NAV2: variants seen among roughly 807,000 people sequenced by gnomAD.
NAV2 encodes the protein neuron navigator 2.
A neutral mutation model predicts 223.2 loss-of-function variants in NAV2; 54 were observed. That is an observed-to-expected ratio of 0.24 (90% confidence interval 0.19 to 0.30). NAV2 has a LOEUF of 0.30. Among genes scored for constraint, NAV2 ranks in the 10% least tolerant of loss-of-function variants. NAV2 has a pLI of 1.00. For synonymous variants in NAV2, 1,279 were observed against 1,239.3 expected (o/e 1.03, Z -0.67); for missense variants, 2,806 against 3,147.5 (o/e 0.89, Z 2.60).
At chr11:19,685,423 C>T (rs867975289) in intron 1 of NAV2, among the ~76,000 whole-genome samples, 3 of 152,148 alleles carry the variant, frequency 2.0e-5, no homozygotes, top group South Asian at 2.1e-4. Context: ...ACCACACCCC[C>T]TTCCCAATAT....
At chr11:19,990,517 C>A (rs1304110938) in intron 11 of NAV2, among the ~76,000 whole-genome samples, 2 of 152,080 alleles carry the variant, frequency 1.3e-5, no homozygotes, top group African/African-American at 4.8e-5. Context: ...CCCTAAAATA[C>A]CTTCCCCCTC....
chr11:20,045,963 G>A (rs2057382201), intron 14 of NAV2, among the ~76,000 whole-genome samples: 1 of 152,106 alleles, frequency 6.6e-6, no homozygotes, highest in Admixed American at 6.5e-5. Context: ...TGTAAAATGG[G>A]GATGAAGATA....
intron 11 of NAV2, among the ~76,000 whole-genome samples, chr11:19,996,659 GCCTCTGCTGTAAA>G: frequency 6.6e-6 from 1 of 152,212 alleles, no homozygotes; most frequent in African/African-American, 2.4e-5. Context: ...TCTAGGAGCA[GCCTCTGCTGTAAA>G]CCCCTGTGGC....
rs190763466 is a variant in NAV2, at chr11:19,743,742, T to C, written c.267+29780T>C. On this transcript the variant is annotated intron_variant, in intron 1 of 37. Coordinates refer to ENST00000349880, the MANE Select transcript of NAV2 (RefSeq NM_145117.5). The stretch of plus-strand genomic sequence containing the variant: ...AGCATTAGCTCATCCCTTCTGATGA[T>C]AGACAAAGAGCCTAGTGCTCAGAGT... 1.2e-4 allele frequency among the ~76,000 whole-genome samples: 19 copies of C among 152,370 alleles called. No homozygotes were observed. The East Asian group carries it at 3.7e-3, about 29-fold the overall frequency.
chr11:20,106,939 C>T (rs1402282984), intron 35 of NAV2, among the ~76,000 whole-genome samples: 2 of 151,882 alleles, frequency 1.3e-5, no homozygotes, highest in Admixed American at 6.6e-5. Flanking sequence ...AGCCACCATG[C>T]CCAGCCAATT....
upstream of NAV2, chr11:19,712,437 TG>T (rs1358033962): frequency 2.0e-5 from 3 of 151,962 alleles, no homozygotes; most frequent in Non-Finnish European, 4.4e-5. Context: ...CCAAGCCAGA[TG>T]GGGGCAGCGA....
At chr11:19,455,849 C>T (rs770944358) in intron 1 of NAV2, among the ~76,000 whole-genome samples, 31 of 152,214 alleles carry the variant, frequency 2.0e-4, no homozygotes, top group Admixed American at 3.3e-4. Context: ...TCTTGAGCAA[C>T]GCACCAGAAC....
chr11:19,783,926 T>C (rs1450094286), intron 1 of NAV2, among the ~76,000 whole-genome samples: 1 of 152,158 alleles, frequency 6.6e-6, no homozygotes, highest in Non-Finnish European at 1.5e-5. Flanking sequence ...CTAGGGAATA[T>C]ATGAGTCAAC....
At chr11:20,021,783 T>C (rs1243366065) in intron 11 of NAV2, among the ~76,000 whole-genome samples, 4 of 152,310 alleles carry the variant, frequency 2.6e-5, no homozygotes, top group Middle Eastern at 3.4e-3. Context: ...TGATTAACTT[T>C]GGTTGGGACT....
chr11:19,870,233 A>G (rs558183886), intron 4 of NAV2, among the ~76,000 whole-genome samples: 7 of 152,068 alleles, frequency 4.6e-5, no homozygotes, highest in Non-Finnish European at 8.8e-5. Flanking sequence ...GCTGGCTGAC[A>G]TGTGGAATAT....
chr11:19,877,470 CTTTTT>C (rs1289323253), intron 4 of NAV2, among the ~76,000 whole-genome samples: 3 of 82,622 alleles, frequency 3.6e-5, no homozygotes, highest in African/African-American at 2.0e-4. Flanking sequence ...TATCTTCATT[CTTTTT>C]TTTTTTTTTT....
At chr11:19,744,566 A>AT (rs35247270) in intron 1 of NAV2, among the ~76,000 whole-genome samples, 88,797 of 151,004 alleles carry the variant, frequency 0.59, 27,261 homozygotes, top group African/African-American at 0.77. Flanking sequence ...ATATCTGTGG[A>AT]TTTTTTTTTT....
intron 1 of NAV2, among the ~76,000 whole-genome samples, chr11:19,574,914 T>A (rs184003183): frequency 6.6e-5 from 10 of 152,196 alleles, no homozygotes; most frequent in Admixed American, 5.9e-4. Context: ...AGGCCAACCA[T>A]ACTCAATTGG....
chr11:19,977,846 C>T (rs1340811045), intron 10 of NAV2, among the ~76,000 whole-genome samples: 4 of 147,334 alleles, frequency 2.7e-5, no homozygotes, highest in African/African-American at 1.0e-4. Flanking sequence ...CTCCGGTTGC[C>T]CAGGCTGGAG....
In NAV2 at chr11:20,115,933, C is replaced by T. The variant is rs78059819; in HGVS notation, c.7164+1138C>T. Among the ~76,000 whole-genome samples the T allele has an allele frequency of 6.4e-3, 974 of 152,102 alleles. 6 individuals carry two copies. Among genetic ancestry groups the T allele is most frequent in the African/African-American group, 0.022 (905 of 41,504 alleles). On this transcript the variant is annotated intron_variant, in intron 37 of 37. Transcript: ENST00000349880. Reference sequence around the variant, plus strand: ...GTCTCAAACAAACAAAAGAAACACCCGGGCCAATAACAGTAGTATTTCTAA... The same window carrying T: ...GTCTCAAACAAACAAAAGAAACACCTGGGCCAATAACAGTAGTATTTCTAA...
chr11:20,100,362 C>T (rs1179213641), intron 31 of NAV2, among the ~76,000 whole-genome samples: 1 of 152,150 alleles, frequency 6.6e-6, no homozygotes, highest in Non-Finnish European at 1.5e-5. Context: ...ATCAAATGAT[C>T]CCGCCTTGCA....
intron 1 of NAV2, among the ~76,000 whole-genome samples, chr11:19,578,021 C>G (rs1007799828): frequency 2.6e-5 from 4 of 152,180 alleles, no homozygotes; most frequent in African/African-American, 9.7e-5. Flanking sequence ...TTTCTGCTTC[C>G]AAACACACAT....
chr11:20,119,968 T>G lies in NAV2; in HGVS notation c.*1710T>G, dbSNP rs1436832469. 1 of 152,220 alleles carries G rather than the reference T, an allele frequency of 6.6e-6. No individual in the cohort carries two copies. Among genetic ancestry groups the G allele is most frequent in the Admixed American group, 6.5e-5 (1 of 15,274 alleles). The allele number at this position is 152,220 out of a possible 1,614,324, so 9.4% of individuals were successfully genotyped here. A position where few individuals can be genotyped will look rare whatever the true frequency, so the allele number is the denominator to read the frequency against. Reference sequence around the variant, plus strand: ...TACTTGTTCTAATAGAAACCCAGTCTGCTGTGTCTTCAACATACTGGTATT... The same window carrying G: ...TACTTGTTCTAATAGAAACCCAGTCGGCTGTGTCTTCAACATACTGGTATT... On this transcript the variant is annotated 3_prime_UTR_variant, in exon 38 of 38. Transcript: ENST00000349880.
chr11:19,928,508 A>C, intron 6 of NAV2, among the ~76,000 whole-genome samples: 1 of 152,200 alleles, frequency 6.6e-6, no homozygotes, highest in Admixed American at 6.5e-5. Context: ...ATATTTGAGG[A>C]AAATAACAAG....
Sources: allele counts gnomAD v4.1 joint callset (sites outside exome capture counted in the v4.1 genomes callset), GRCh38; gene constraint gnomAD v4.1.1; transcripts MANE v1.5; gene names NCBI Gene and HGNC (gene_info 2026-07-23, HGNC 2026-07-21).